RAP1B: variants seen among roughly 807,000 people sequenced by gnomAD.
RAP1B encodes the protein ras-related protein Rap-1b.
A neutral mutation model predicts 27.5 loss-of-function variants in RAP1B; 1 was observed. That is an observed-to-expected ratio of 0.04 (90% CI 0.01 to 0.17). RAP1B has a LOEUF of 0.17. RAP1B is among the 10% of genes least tolerant of loss of function. RAP1B has a pLI of 1.00. For missense variants in RAP1B, 84 were observed against 214.8 expected, an observed-to-expected ratio of 0.39 and a Z score of 3.81; for synonymous variants, 75 against 73.1, an observed-to-expected ratio of 1.03 and a Z score of -0.13.
At chr12:68,633,704 A>G (rs1213955271) in intron 1 of RAP1B, among the ~76,000 whole-genome samples, 1 of 152,106 alleles carries the variant, frequency 6.6e-6, no homozygotes, top group Non-Finnish European at 1.5e-5. Flanking sequence ...CCCCGTCTCT[A>G]CTAAAAAATA....
intron 6 of RAP1B, 83 bp downstream of exon 6, chr12:68,656,532 A>C (rs777467244): frequency 7.3e-7 from 1 of 1,379,108 alleles, no homozygotes; most frequent in Non-Finnish European, 1.0e-6. Flanking sequence ...CCCCAAGTTA[A>C]TATGTACTCA....
intron 1 of RAP1B, among the ~76,000 whole-genome samples, chr12:68,630,417 AAAAC>A (rs1872149718): frequency 6.6e-6 from 1 of 152,132 alleles, no homozygotes; most frequent in African/African-American, 2.4e-5. Context: ...TTTACCAAAA[AAAAC>A]AAAAACAAAA....
chr12:68,648,162 T>C (rs1176207419), intron 1 of RAP1B: 1 of 153,026 alleles, frequency 6.5e-6, no homozygotes, highest in African/African-American at 2.4e-5. Flanking sequence ...CTAAACATTC[T>C]AAGTAGACGT....
In RAP1B at chr12:68,662,012, A is replaced by C. The variant is rs1874619667; in HGVS notation, c.*2763A>C. ...TGCCAGTGCTATCCTCTAGGTCTAT[A>C]TATATATATATATATATATATTATA... On this transcript the variant is annotated 3_prime_UTR_variant, in exon 8 of 8. Transcript: ENST00000250559. 7.0e-6 allele frequency: 1 copy of C among 142,690 alleles called. No individual in the cohort carries two copies. Among genetic ancestry groups the C allele is most frequent in the African/African-American group, 2.5e-5 (1 of 39,724 alleles). 8.8% of individuals were successfully genotyped at this position (142,690 alleles called of 1,614,324 possible).
intron 1 of RAP1B, chr12:68,627,208 C>T: frequency 6.6e-6 from 10 of 1,505,446 alleles, no homozygotes; most frequent in Non-Finnish European, 9.1e-6. Flanking sequence ...AGTGCAAGGT[C>T]AGAAACATGA....
intron 1 of RAP1B, chr12:68,624,418 T>G (rs935608325): frequency 1.3e-5 from 2 of 152,188 alleles, no homozygotes; most frequent in Non-Finnish European, 2.9e-5. Context: ...TTTTAAGAAT[T>G]ATTTGATACA....
intron 1 of RAP1B, among the ~76,000 whole-genome samples, chr12:68,614,987 C>G (rs1870878742): frequency 6.6e-6 from 1 of 152,214 alleles, no homozygotes; most frequent in African/African-American, 2.4e-5. Context: ...CAGTTGAGCA[C>G]TGGATTCTAA....
intron 1 of RAP1B, among the ~76,000 whole-genome samples, chr12:68,620,841 G>A (rs1871339494): frequency 6.6e-6 from 1 of 152,114 alleles, no homozygotes; most frequent in African/African-American, 2.4e-5. Context: ...TTCCACCTCA[G>A]TCCTCCAAAG....
At chr12:68,634,413 G>A (rs1193228331) in intron 1 of RAP1B, among the ~76,000 whole-genome samples, 3 of 152,104 alleles carry the variant, frequency 2.0e-5, no homozygotes, top group Non-Finnish European at 2.9e-5. Context: ...AGCCTATACT[G>A]AGTCAGTATG....
intron 1 of RAP1B, chr12:68,643,111 T>C (rs950024123): frequency 1.7e-6 from 1 of 593,776 alleles, no homozygotes; most frequent in Non-Finnish European, 3.0e-6. Context: ...TAGTTTTTGT[T>C]TTTCTTCCAA....
intron 5 of RAP1B, among the ~76,000 whole-genome samples, chr12:68,654,816 A>G (rs1224778136): frequency 2.0e-5 from 3 of 152,126 alleles, no homozygotes; most frequent in Non-Finnish European, 4.4e-5. Context: ...AGTCTACCAT[A>G]ATGGAGTTTA....
chr12:68,630,409 T>C, intron 1 of RAP1B, among the ~76,000 whole-genome samples: 1 of 152,100 alleles, frequency 6.6e-6, no homozygotes, highest in Non-Finnish European at 1.5e-5. Flanking sequence ...AAATTTTATT[T>C]ACCAAAAAAA....
At position 68,670,438 on chromosome 12, in the gene RAP1B, C is replaced by A. The variant is rs1236918521; in HGVS notation, c.*11189C>A. On this transcript the variant is annotated 3_prime_UTR_variant, in exon 8 of 8. Transcript: ENST00000250559. ...ACTAGAAATCTAGAGATAGGGTAGACCTTCTTAGCTAATTTTTAAAAATGA... is the reference window on the plus strand; with the variant it reads ...ACTAGAAATCTAGAGATAGGGTAGAACTTCTTAGCTAATTTTTAAAAATGA... The A allele has an allele frequency of 6.6e-6, 1 of 152,018 alleles. No individual in the cohort carries two copies. The highest frequency in any genetic ancestry group is 1.5e-5 in the Non-Finnish European group (1 of 68,010). 9.4% of individuals were successfully genotyped at this position (152,018 alleles called of 1,614,324 possible). A position where few individuals can be genotyped will look rare whatever the true frequency, so the allele number is the denominator to read the frequency against.
chr12:68,652,700 C>A (rs1873903345), intron 4 of RAP1B, among the ~76,000 whole-genome samples: 3 of 152,096 alleles, frequency 2.0e-5, no homozygotes, highest in African/African-American at 4.8e-5. Context: ...CACCTGTAAT[C>A]CCAGTTACTT....
rs148141459 is a variant in RAP1B at position 68,665,079 on chromosome 12, C to T, written c.*5830C>T. ...TGAGGTAGGAGGAACTCTTGAGCTC[C>T]GGTGGTTTGAGGCCAGCATGGATAA... On this transcript the variant is annotated 3_prime_UTR_variant, in exon 8 of 8. Coordinates refer to ENST00000250559, the MANE Select transcript of RAP1B (RefSeq NM_001010942.3). The T allele has an allele frequency of 1.3e-5, 2 of 152,160 alleles. No homozygotes were observed. The highest frequency in any genetic ancestry group is 4.8e-5 in the African/African-American group (2 of 41,538). 9.4% of individuals were successfully genotyped at this position (152,160 alleles called of 1,614,324 possible).
At chr12:68,615,005 C>A (rs1158657529) in intron 1 of RAP1B, among the ~76,000 whole-genome samples, 1 of 152,176 alleles carries the variant, frequency 6.6e-6, no homozygotes, top group African/African-American at 2.4e-5. Context: ...TAAAACAAGT[C>A]TCTTTGGTCG....
At position 68,662,050 on chromosome 12, in the gene RAP1B, A is replaced by C. The variant is rs534281318; in HGVS notation, c.*2801A>C. 1.2e-3 allele frequency: 177 copies of C among 146,562 alleles called. 1 individual carries two copies. Among genetic ancestry groups the C allele is most frequent in the Non-Finnish European group, 8.4e-4 (56 of 66,692 alleles). 9.1% of individuals were successfully genotyped at this position (146,562 alleles called of 1,614,324 possible). On this transcript the variant is annotated 3_prime_UTR_variant, in exon 8 of 8. Transcript: ENST00000250559. ...TATATATATTATATATAGTACATAT[A>C]TAGAGAGAGTATATATATATATGTA...
At chr12:68,634,115 TTAAAA>T (rs1872461926) in intron 1 of RAP1B, among the ~76,000 whole-genome samples, 1 of 152,176 alleles carries the variant, frequency 6.6e-6, no homozygotes, top group South Asian at 2.1e-4. Context: ...CAGCTACCTA[TTAAAA>T]TAATATGCTA....
At chr12:68,624,054 A>G (rs1017243252) in intron 1 of RAP1B, among the ~76,000 whole-genome samples, 3 of 152,020 alleles carry the variant, frequency 2.0e-5, no homozygotes, top group Non-Finnish European at 4.4e-5. Flanking sequence ...GAGAGAAGAA[A>G]TTGGTTTCAA....
Sources: allele counts gnomAD v4.1 joint callset (sites outside exome capture counted in the v4.1 genomes callset), GRCh38; gene constraint gnomAD v4.1.1; transcripts MANE v1.5; gene names NCBI Gene and HGNC (gene_info 2026-07-23, HGNC 2026-07-21).